ADAMTS17: variants seen among roughly 807,000 people sequenced by gnomAD.
ADAMTS17 encodes ADAM metallopeptidase with thrombospondin type 1 motif 17.
Under a neutral mutation model 141.5 loss-of-function variants are expected in ADAMTS17, and 113 were observed. The ratio of observed to expected loss-of-function variants is 0.80; its 90% CI spans 0.69 to 0.93. ADAMTS17 has a LOEUF of 0.93. Ranked by LOEUF, ADAMTS17 falls within the 40% of genes least tolerant of loss-of-function variation. The probability of loss-of-function intolerance (pLI) is 0.00; values close to 1 mark genes in which losing one functional copy is unlikely to be tolerated. For synonymous variants in ADAMTS17, 768 were observed against 630.6 expected (o/e 1.22, Z -3.27); for missense variants, 1,659 against 1,517.9 (o/e 1.09, Z -1.54).
At chr15:100,097,047 T>A (rs1291063710) in intron 14 of ADAMTS17, among the ~76,000 whole-genome samples, 1 of 152,154 alleles carries the variant, frequency 6.6e-6, no homozygotes, top group African/African-American at 2.4e-5. Flanking sequence ...GAGCCCCATC[T>A]CTCATACCTT....
In ADAMTS17 at chr15:100,073,639, C is replaced by G. The variant is rs1309657140; in HGVS notation, c.2138-19585G>C. Reference sequence around the variant, plus strand: ...GGACATGGATGAAGCTGGAAACCATCATTCTCAACAAACTATCACAAGGAC... The same window carrying G: ...GGACATGGATGAAGCTGGAAACCATGATTCTCAACAAACTATCACAAGGAC... On this transcript the variant is annotated intron_variant, in intron 15 of 21. Coordinates refer to ENST00000268070, the MANE Select transcript of ADAMTS17 (RefSeq NM_139057.4). Among the ~76,000 whole-genome samples the G allele has an allele frequency of 2.0e-5, 3 of 151,890 alleles. No homozygotes were observed. The East Asian group carries it at 5.8e-4, about 29-fold the overall frequency.
intron 7 of ADAMTS17, among the ~76,000 whole-genome samples, chr15:100,235,017 T>C (rs922180602): frequency 1.3e-5 from 2 of 152,234 alleles, no homozygotes; most frequent in East Asian, 3.9e-4. Context: ...AAGGTAATTA[T>C]GTTCACGGAA....
At chr15:100,280,878 G>C (rs377181438) in intron 4 of ADAMTS17, among the ~76,000 whole-genome samples, 1 of 152,074 alleles carries the variant, frequency 6.6e-6, no homozygotes, top group African/African-American at 2.4e-5. Flanking sequence ...TGTTCCCCCC[G>C]CTAGACTATG....
chr15:100,224,172 G>A (rs1057462108), intron 7 of ADAMTS17, among the ~76,000 whole-genome samples: 8 of 152,126 alleles, frequency 5.3e-5, no homozygotes, highest in Non-Finnish European at 1.5e-5. Flanking sequence ...TTAATATTCT[G>A]TATCCTTCAA....
chr15:100,267,707 G>A lies in ADAMTS17; in HGVS notation c.790-5272C>T, dbSNP rs61041096. Reference sequence around the variant, plus strand: ...TCTCCCTTCTCTAGTAGTCCGCAGTGTCTGCTGCCACCTTTTAAAAAATTT... The same window carrying A: ...TCTCCCTTCTCTAGTAGTCCGCAGTATCTGCTGCCACCTTTTAAAAAATTT... On this transcript the variant is annotated intron_variant, in intron 4 of 21. Transcript: ENST00000268070. 5.6e-3 allele frequency among the ~76,000 whole-genome samples: 848 copies of A among 152,176 alleles called. 8 individuals carry two copies. Among genetic ancestry groups the A allele is most frequent in the Middle Eastern group, 0.02 (6 of 294 alleles).
At chr15:100,070,637 T>A (rs1483197928) in intron 15 of ADAMTS17, among the ~76,000 whole-genome samples, 1 of 150,082 alleles carries the variant, frequency 6.7e-6, no homozygotes, top group South Asian at 2.1e-4. Flanking sequence ...TGCTCCTGAA[T>A]GACTACTGGG....
At chr15:100,112,810 G>A in intron 13 of ADAMTS17, among the ~76,000 whole-genome samples, 1 of 152,138 alleles carries the variant, frequency 6.6e-6, no homozygotes, top group African/African-American at 2.4e-5. Context: ...CTGCTTGGCT[G>A]GAGGTGGTCA....
At position 100,261,469 on chromosome 15, in the gene ADAMTS17, C is replaced by A. The variant is rs763036649; in HGVS notation, c.1031+10G>T. 1 of 1,613,918 alleles carries A rather than the reference C, an allele frequency of 6.2e-7. No individual in the cohort carries two copies. The highest frequency in any genetic ancestry group is 1.7e-4 in the Middle Eastern group (1 of 5,864). ...CTCACATGTCAGCTACAGGCCAAAT[C>A]CCATCTTACCTGGTCACAAACACGG... On this transcript the variant is annotated intron_variant, in intron 6 of 21. Coordinates refer to ENST00000268070, the MANE Select transcript of ADAMTS17 (RefSeq NM_139057.4).
At position 100,117,017 on chromosome 15, in the gene ADAMTS17, G is replaced by A. The variant is rs1283131965; in HGVS notation, c.1722-4C>T. 1.9e-6 allele frequency: 3 copies of A among 1,601,896 alleles called. No homozygotes were observed. In the African/African-American group the frequency reaches 4.0e-5, roughly 21 times the overall value. ...GTGTGTGCCTCCAGGCCCAGGGCTAGAAGGAAGAAGAAGGTCTGTGTTAAC... is the reference window on the plus strand; with the variant it reads ...GTGTGTGCCTCCAGGCCCAGGGCTAAAAGGAAGAAGAAGGTCTGTGTTAAC... On this transcript the variant is annotated splice_polypyrimidine_tract_variant and splice_region_variant and intron_variant, in intron 12 of 21. Coordinates refer to ENST00000268070, the MANE Select transcript of ADAMTS17 (RefSeq NM_139057.4).
At chr15:100,074,144 T>TGAGATCAGAC (rs1354394246) in intron 15 of ADAMTS17, 1 of 153,148 alleles carries the variant, frequency 6.5e-6, no homozygotes, top group African/African-American at 2.4e-5. Flanking sequence ...GCTTAGCTTC[T>TGAGATCAGAC]GAGATCAGAC....
At chr15:100,284,334 T>C (rs577045822) in intron 3 of ADAMTS17, among the ~76,000 whole-genome samples, 1 of 152,276 alleles carries the variant, frequency 6.6e-6, no homozygotes, top group East Asian at 1.9e-4. Context: ...CTAATGACTG[T>C]CATTGGCTCC....
chr15:100,146,321 C>G (rs2086454), intron 10 of ADAMTS17, among the ~76,000 whole-genome samples: 5,708 of 152,310 alleles, frequency 0.037, 211 homozygotes, highest in African/African-American at 0.095. Context: ...ATTTCATGGA[C>G]ATTTATTAGT....
intron 18 of ADAMTS17, among the ~76,000 whole-genome samples, chr15:100,024,097 T>G (rs186439796): frequency 0.03 from 4,551 of 152,168 alleles, 121 homozygotes; most frequent in African/African-American, 0.069. Flanking sequence ...TTGATTTTTT[T>G]TTGTTGTTGT....
At chr15:100,093,066 C>G (rs1274164926) in intron 15 of ADAMTS17, among the ~76,000 whole-genome samples, 3 of 152,192 alleles carry the variant, frequency 2.0e-5, no homozygotes, top group African/African-American at 4.8e-5. Flanking sequence ...AATATGATAG[C>G]CAAGTTGAGT....
intron 1 of ADAMTS17, 102 bp from the exon 2 acceptor site, chr15:100,341,511 A>G (rs1204847082): frequency 2.0e-6 from 2 of 981,440 alleles, no homozygotes; most frequent in Non-Finnish European, 2.4e-6. Context: ...CGCGACCCGG[A>G]GCCGGCGCTG....
At chr15:100,304,988 T>G (rs2045172859) in intron 3 of ADAMTS17, among the ~76,000 whole-genome samples, 1 of 152,264 alleles carries the variant, frequency 6.6e-6, no homozygotes, top group Non-Finnish European at 1.5e-5. Flanking sequence ...GCTTACTATA[T>G]TGAAAGAATA....
intron 3 of ADAMTS17, among the ~76,000 whole-genome samples, chr15:100,291,914 G>C (rs1198287203): frequency 6.6e-6 from 1 of 152,200 alleles, no homozygotes; most frequent in South Asian, 2.1e-4. Flanking sequence ...ACCTGCACAT[G>C]TACCCCTGAA....
rs1596178455 is a variant in ADAMTS17, at chr15:99,993,985, C to T, written c.2797-785G>A. Among the ~76,000 whole-genome samples the T allele has an allele frequency of 6.6e-6, 1 of 152,162 alleles. No individual in the cohort carries two copies. The highest frequency in any genetic ancestry group is 2.1e-4 in the South Asian group (1 of 4,830). ...CAGGGGGCATGACAGGGTGTCAACACAGCAGACAGGCACTCTGGAGTGCGT... is the reference window on the plus strand; with the variant it reads ...CAGGGGGCATGACAGGGTGTCAACATAGCAGACAGGCACTCTGGAGTGCGT... On this transcript the variant is annotated intron_variant, in intron 19 of 21. Transcript: ENST00000268070. The surrounding 1 kb of genome is among the most constrained non-coding windows in gnomAD (Gnocchi z 4.3).
chr15:100,101,043 C>G (rs140742581), intron 14 of ADAMTS17, among the ~76,000 whole-genome samples: 2,578 of 152,326 alleles, frequency 0.017, 32 homozygotes, highest in Non-Finnish European at 0.027. Flanking sequence ...CTTCACTCCT[C>G]TGCATCAATT....
Sources: allele counts gnomAD v4.1 joint callset (sites outside exome capture counted in the v4.1 genomes callset), GRCh38; gene constraint gnomAD v4.1.1; non-coding constraint Gnocchi (gnomAD v3.1); transcripts MANE v1.5; gene names NCBI Gene and HGNC (gene_info 2026-07-23, HGNC 2026-07-21).